MDGA1: variants seen among roughly 807,000 people sequenced by gnomAD.
MDGA1 encodes MAM domain-containing glycosylphosphatidylinositol anchor protein 1.
A neutral mutation model predicts 101.5 loss-of-function variants in MDGA1; 54 were observed. That is an observed-to-expected ratio of 0.53 (90% CI 0.43 to 0.67). MDGA1 has a LOEUF of 0.67. MDGA1 is among the 30% of genes least tolerant of loss of function. The probability of loss-of-function intolerance (pLI) is 0.00; values close to 1 mark genes in which losing one functional copy is unlikely to be tolerated. For synonymous variants in MDGA1, 533 were observed against 558.3 expected, an observed-to-expected ratio of 0.95 and a Z score of 0.64; for missense variants, 1,083 against 1,323.8, an observed-to-expected ratio of 0.82 and a Z score of 2.82.
intron 3 of MDGA1, among the ~76,000 whole-genome samples, chr6:37,657,752 A>ACTGGCAGCTTCTCATGCAG (rs1442377753): frequency 1.3e-5 from 2 of 152,186 alleles, no homozygotes; most frequent in African/African-American, 4.8e-5. Context: ...GCAGGTAGGG[A>ACTGGCAGCTTCTCATGCAG]CTGGCAGCTT....
chr6:37,685,348 C>G (rs933024269), intron 1 of MDGA1, among the ~76,000 whole-genome samples: 1 of 151,964 alleles, frequency 6.6e-6, no homozygotes, highest in African/African-American at 2.4e-5. Context: ...AGGAGTTACT[C>G]AAGTTCAACT....
rs774778184 is a variant in MDGA1, at chr6:37,658,342, G to A, written c.285C>T (p.Ile95=). ...CGCCCTGCGTGCGTGCAATACGCTC[G>A]ATGCGCAGCGTCTCGTTGAACACCG... ...ETSVFNETLR[I]ERIARTQGGR... is the part of the protein sequence containing the mutation. The change falls in exon 3 of 17, where the codon ATC becomes ATT. Residue 95 remains isoleucine (I), a synonymous_variant. Coordinates refer to ENST00000434837, the MANE Select transcript of MDGA1 (RefSeq NM_153487.4). 1.9e-5 allele frequency: 31 copies of A among 1,613,040 alleles called. 1 individual carries two copies. The East Asian group carries it at 6.7e-4, about 35-fold the overall frequency.
intron 1 of MDGA1, among the ~76,000 whole-genome samples, chr6:37,679,223 C>T (rs913181148): frequency 6.6e-6 from 1 of 151,852 alleles, no homozygotes; most frequent in Non-Finnish European, 1.5e-5. Context: ...GACTTGAAAT[C>T]GAGTAGGTGG....
At chr6:37,694,767 T>G (rs1304307171) in intron 1 of MDGA1, among the ~76,000 whole-genome samples, 2 of 151,856 alleles carry the variant, frequency 1.3e-5, no homozygotes, top group Non-Finnish European at 2.9e-5. Context: ...GAAGCCAAGC[T>G]CTCAAAGGAA....
intron 9 of MDGA1, chr6:37,648,779 C>T (rs1761280817): frequency 2.0e-6 from 2 of 1,023,408 alleles, no homozygotes; most frequent in Non-Finnish European, 2.7e-6. Flanking sequence ...GCTGGGAGGC[C>T]CAGGTTGGGA....
At chr6:37,660,001 T>C (rs1182675643) in intron 2 of MDGA1, among the ~76,000 whole-genome samples, 1 of 151,712 alleles carries the variant, frequency 6.6e-6, no homozygotes, top group Non-Finnish European at 1.5e-5. Flanking sequence ...CCTACCTTTT[T>C]TCAATTCTAC....
rs536326115 is a variant in MDGA1, at chr6:37,654,494, A to G, written c.762T>C (p.Pro254=). 18 of 1,613,982 alleles carry G rather than the reference A, an allele frequency of 1.1e-5. No individual in the cohort carries two copies. Among genetic ancestry groups the G allele is most frequent in the East Asian group, 2.2e-5 (1 of 44,868 alleles). Residue 254 remains proline (P), a synonymous_variant, in exon 6 of 17, where the codon CCT becomes CCC. Transcript: ENST00000434837. ...GACACTGCACCGTCACATTCTCCCC[A>G]GGGTTCACCACCAGAGTTTCGTTCA... ...LSVNETLVVN[P]GENVTVQCLL...
rs1440876405 is a variant in MDGA1 at position 37,697,671 on chromosome 6, C to G, written c.-860G>C. Reference sequence around the variant, plus strand: ...TCCGCTCGCCGCGCTCCTCTCCCGCCGTCTGGCCGCGGCCGTAGCCCTCCC... The same window carrying G: ...TCCGCTCGCCGCGCTCCTCTCCCGCGGTCTGGCCGCGGCCGTAGCCCTCCC... On this transcript the variant is annotated 5_prime_UTR_variant, in exon 1 of 17. Coordinates refer to ENST00000434837, the MANE Select transcript of MDGA1 (RefSeq NM_153487.4). The G allele has an allele frequency of 6.6e-6, 1 of 151,616 alleles. No homozygotes were observed. Among genetic ancestry groups the G allele is most frequent in the Non-Finnish European group, 1.5e-5 (1 of 67,900 alleles). 9.4% of individuals were successfully genotyped at this position (151,616 alleles called of 1,614,324 possible).
At chr6:37,692,861 G>A (rs902570899) in intron 1 of MDGA1, among the ~76,000 whole-genome samples, 47 of 152,082 alleles carry the variant, frequency 3.1e-4, no homozygotes, top group African/African-American at 9.9e-4. Flanking sequence ...CTCTCTAACC[G>A]ACCTCCTCCC....
At chr6:37,679,160 C>T (rs1186422736) in intron 1 of MDGA1, among the ~76,000 whole-genome samples, 1 of 152,120 alleles carries the variant, frequency 6.6e-6, no homozygotes, top group African/African-American at 2.4e-5. Flanking sequence ...ACATAAGTGG[C>T]AGGCTCCATA....
rs571819080 is a variant in MDGA1 at position 37,655,115 on chromosome 6, C to T, written c.580-183G>A. On this transcript the variant is annotated intron_variant, in intron 4 of 16. Coordinates refer to ENST00000434837, the MANE Select transcript of MDGA1 (RefSeq NM_153487.4). This position sits in a 1 kb window ranked among gnomAD's most constrained non-coding sequence, Gnocchi z 5.1. ...AGCCTGGGGTGGATGCTACACTCTC[C>T]ATAGCCTTGGCAGTGCCTCATCATG... The T allele has an allele frequency of 6.5e-4, 454 of 695,042 alleles. 1 individual carries two copies. The highest frequency in any genetic ancestry group is 8.0e-4 in the Non-Finnish European group (340 of 424,288). The allele number at this position is 695,042 out of a possible 1,614,324, so 43.1% of individuals were successfully genotyped here. A position where few individuals can be genotyped will look rare whatever the true frequency, so the allele number is the denominator to read the frequency against.
rs1762452498 is a variant in MDGA1, at chr6:37,697,789, A to G, written c.-978T>C. 1 of 148,144 alleles carries G rather than the reference A, an allele frequency of 6.8e-6. No individual in the cohort carries two copies. Among genetic ancestry groups the G allele is most frequent in the Non-Finnish European group, 1.5e-5 (1 of 66,658 alleles). 9.2% of individuals were successfully genotyped at this position (148,144 alleles called of 1,614,324 possible). On this transcript the variant is annotated 5_prime_UTR_variant, in exon 1 of 17. Coordinates refer to ENST00000434837, the MANE Select transcript of MDGA1 (RefSeq NM_153487.4). The stretch of plus-strand genomic sequence containing the variant: ...GCGGCCTTGGCCTGCGGGGGCCCAG[A>G]GCGGGCGGGGCCGGGCCGGGCTCCG...
At chr6:37,649,984 GGGTAT>G (rs1361821171) in intron 8 of MDGA1, 120 bp downstream of exon 8, 9 of 1,085,856 alleles carry the variant, frequency 8.3e-6, no homozygotes, top group Non-Finnish European at 1.2e-5. Flanking sequence ...GGAGCATTAG[GGGTAT>G]CAGGAGTAGC....
rs768653484 is a variant in MDGA1, at chr6:37,696,825, G to A, written c.-14C>T. ...GGTCACCTCCATCTTCACGGCCGGT[G>A]CTTCATCCCCGCGAGGCGGCGCAGC... is the stretch of plus-strand genomic sequence containing the variant. On this transcript the variant is annotated 5_prime_UTR_variant, in exon 1 of 17. Transcript: ENST00000434837. The surrounding 1 kb of genome is among the most constrained non-coding windows in gnomAD (Gnocchi z 5.6). 11 of 1,563,060 alleles carry A rather than the reference G, an allele frequency of 7.0e-6. No homozygotes were observed. The highest frequency in any genetic ancestry group is 8.7e-6 in the Non-Finnish European group (10 of 1,153,318).
rs560116584 is a variant in MDGA1 at position 37,697,807 on chromosome 6, G to GGGCTCCGGGGCGCGGCGGCCGCTC, written c.-1020_-997dup. On this transcript the variant is annotated 5_prime_UTR_variant, in exon 1 of 17. Coordinates refer to ENST00000434837, the MANE Select transcript of MDGA1 (RefSeq NM_153487.4). ...GGCCCAGAGCGGGCGGGGCCGGGCC[G>GGGCTCCGGGGCGCGGCGGCCGCTC]GGCTCCGGGGCGCGGCGGCCGCTCG... The GGGCTCCGGGGCGCGGCGGCCGCTC allele has an allele frequency of 2.0e-5, 3 of 149,440 alleles. No homozygotes were observed. Among genetic ancestry groups the GGGCTCCGGGGCGCGGCGGCCGCTC allele is most frequent in the African/African-American group, 7.3e-5 (3 of 41,100 alleles). The allele number at this position is 149,440 out of a possible 1,614,324, so 9.3% of individuals were successfully genotyped here.
Position 37,638,553 on chromosome 6 carries a change from G to A in MDGA1, c.2651C>T (p.Pro884Leu), listed in dbSNP as rs570737515. 9 of 1,613,954 alleles carry A rather than the reference G, an allele frequency of 5.6e-6. No homozygotes were observed. Among genetic ancestry groups the A allele is most frequent in the East Asian group, 2.2e-5 (1 of 44,872 alleles). Residue 884 changes from proline (P) to leucine (L), a missense_variant, in exon 15 of 17, where the codon CCC becomes CTC. This residue lies in a region of MDGA1 where 657 missense variants were observed against 771.4 expected (regional missense o/e 0.85). Transcript: ENST00000434837. This position sits in a 1 kb window ranked among gnomAD's most constrained non-coding sequence, Gnocchi z 4.8. ...VWQQAHVPISPSGPFQIIFEG... is the reference protein window; with the variant it reads ...VWQQAHVPISLSGPFQIIFEG... ...CGGACTCACCTGGAAGGGCCCACTG[G>A]GGCTGATGGGCACATGGGCCTGCTG...
intron 1 of MDGA1, among the ~76,000 whole-genome samples, chr6:37,680,494 A>T (rs1762070240): frequency 6.6e-6 from 1 of 152,244 alleles, no homozygotes. Flanking sequence ...GCACATGAAG[A>T]CGACCGGACC....
intron 1 of MDGA1, among the ~76,000 whole-genome samples, chr6:37,687,865 C>T (rs1031210742): frequency 6.6e-6 from 1 of 152,108 alleles, no homozygotes; most frequent in African/African-American, 2.4e-5. Context: ...TCAAAGAAAA[C>T]TGTGTTTCTG....
intron 1 of MDGA1, among the ~76,000 whole-genome samples, chr6:37,693,980 C>T (rs1302341891): frequency 6.6e-6 from 1 of 152,170 alleles, no homozygotes; most frequent in Non-Finnish European, 1.5e-5. Context: ...GGGTTCTAGG[C>T]ACCTACCTCC....
Sources: gnomAD v4.1 joint callset for allele counts (sites outside exome capture counted in the v4.1 genomes callset) on GRCh38, gnomAD v4.1.1 for gene constraint, gnomAD v4.1.1 regional missense constraint, Gnocchi (gnomAD v3.1) non-coding constraint, MANE v1.5 for transcripts, NCBI Gene and HGNC (gene_info 2026-07-23, HGNC 2026-07-21) for gene names.